SIAH3: variants seen among roughly 807,000 people sequenced by gnomAD.
The protein encoded by SIAH3 is seven in absentia homolog 3.
SIAH3 carries 9 observed loss-of-function variants against 12.6 expected under a neutral mutation model. That is an observed-to-expected ratio of 0.72 (90% CI 0.43 to 1.25). The LOEUF (loss-of-function observed/expected upper bound fraction) is 1.25, where lower values mean the gene tolerates loss of function less well. Among genes scored for constraint, SIAH3 ranks in the 50% most tolerant of loss-of-function variants. SIAH3 has a pLI of 0.00. For missense variants in SIAH3, 390 were observed against 365.4 expected, an observed-to-expected ratio of 1.07 and a Z score of -0.55; for synonymous variants, 154 against 151.1, an observed-to-expected ratio of 1.02 and a Z score of -0.14.
At chr13:45,787,704 T>C (rs1467040234) in intron 1 of SIAH3, among the ~76,000 whole-genome samples, 1 of 152,138 alleles carries the variant, frequency 6.6e-6, no homozygotes, top group Non-Finnish European at 1.5e-5. Flanking sequence ...TGTCGGGTCA[T>C]ATTGCCCAGG....
At position 45,777,429 on chromosome 13, in the gene SIAH3, C is replaced by T. The variant is rs1158935615; in HGVS notation, c.*5954G>A. ...CCTTTCTCTTTCTTATCTCAATACC[C>T]TAAAAAAAAGACTGAAAAAGGTTGA... On this transcript the variant is annotated 3_prime_UTR_variant, in exon 2 of 2. Coordinates refer to ENST00000400405, the MANE Select transcript of SIAH3 (RefSeq NM_198849.3). 4.0e-5 allele frequency: 6 copies of T among 151,890 alleles called. No individual in the cohort carries two copies. The South Asian group carries it at 1.2e-3, about 32-fold the overall frequency. The allele number at this position is 151,890 out of a possible 1,614,324, so 9.4% of individuals were successfully genotyped here. A position where few individuals can be genotyped will look rare whatever the true frequency, so the allele number is the denominator to read the frequency against.
At chr13:45,793,123 C>A (rs1263538265) in intron 1 of SIAH3, among the ~76,000 whole-genome samples, 2 of 152,202 alleles carry the variant, frequency 1.3e-5, no homozygotes, top group African/African-American at 2.4e-5. Flanking sequence ...CCTCGGATAA[C>A]CTCAGATTGT....
At chr13:45,818,218 A>G (rs1950641623) in intron 1 of SIAH3, among the ~76,000 whole-genome samples, 1 of 152,092 alleles carries the variant, frequency 6.6e-6, no homozygotes, top group Non-Finnish European at 1.5e-5. Flanking sequence ...TTCTATCTGT[A>G]TCTCATGTTC....
At chr13:45,804,963 AACACACAC>A (rs56315825) in intron 1 of SIAH3, among the ~76,000 whole-genome samples, 6,164 of 135,866 alleles carry the variant, frequency 0.045, 228 homozygotes, top group African/African-American at 0.099. Flanking sequence ...TCCCATTTAT[AACACACAC>A]ACACACACAC....
intron 1 of SIAH3, among the ~76,000 whole-genome samples, chr13:45,788,019 C>T (rs1950533805): frequency 1.3e-5 from 2 of 152,152 alleles, no homozygotes; most frequent in Non-Finnish European, 2.9e-5. Context: ...TACAAAGCAG[C>T]CAAGGGTATA....
At chr13:45,837,979 T>A (rs923321909) in intron 1 of SIAH3, among the ~76,000 whole-genome samples, 1 of 152,200 alleles carries the variant, frequency 6.6e-6, no homozygotes, top group Non-Finnish European at 1.5e-5. Context: ...CCTCGTTTCA[T>A]TCTCTATTTT....
rs535127007 is a variant in SIAH3, at chr13:45,807,545, A to G, written c.136-23488T>C. On this transcript the variant is annotated intron_variant, in intron 1 of 1. Transcript: ENST00000400405. Reference sequence around the variant, plus strand: ...AGTTTAGCATTGTATATTATTAGAGAAAAAAAAATCCCCTACTCCTACTGA... The same window carrying G: ...AGTTTAGCATTGTATATTATTAGAGGAAAAAAAATCCCCTACTCCTACTGA... Among the ~76,000 whole-genome samples, 809 of 151,988 alleles carry G rather than the reference A, an allele frequency of 5.3e-3. 7 individuals carry two copies. Among genetic ancestry groups the G allele is most frequent in the African/African-American group, 0.018 (760 of 41,472 alleles).
In SIAH3 at chr13:45,849,504, C is replaced by T. The variant is rs964378395; in HGVS notation, c.135+1991G>A. ...AACACCTCTGATACCTCTTTTCAGTCTCAAAAGCTGAGGCGGAGAAAGGGC... is the reference window on the plus strand; with the variant it reads ...AACACCTCTGATACCTCTTTTCAGTTTCAAAAGCTGAGGCGGAGAAAGGGC... On this transcript the variant is annotated intron_variant, in intron 1 of 1. Transcript: ENST00000400405. Among the ~76,000 whole-genome samples, 7 of 152,248 alleles carry T rather than the reference C, an allele frequency of 4.6e-5. No homozygotes were observed. In the South Asian group the frequency reaches 1.5e-3, roughly 32 times the overall value.
At chr13:45,808,709 A>G (rs1950606414) in intron 1 of SIAH3, among the ~76,000 whole-genome samples, 1 of 36,408 alleles carries the variant, frequency 2.7e-5, no homozygotes, top group Non-Finnish European at 5.0e-5. Flanking sequence ...ATGTACGTGC[A>G]TACTTTTATC....
At chr13:45,849,710 A>G (rs927194281) in intron 1 of SIAH3, among the ~76,000 whole-genome samples, 4 of 152,130 alleles carry the variant, frequency 2.6e-5, no homozygotes, top group Non-Finnish European at 5.9e-5. Flanking sequence ...AGAAATATAC[A>G]CAAGTGGTTT....
chr13:45,801,080 T>A (rs1470599521), intron 1 of SIAH3, among the ~76,000 whole-genome samples: 1 of 78,880 alleles, frequency 1.3e-5, no homozygotes, highest in Non-Finnish European at 2.5e-5. Context: ...GGACACTGGG[T>A]GAAGTGATGG....
chr13:45,833,342 C>A (rs533760698), intron 1 of SIAH3, among the ~76,000 whole-genome samples: 7 of 152,172 alleles, frequency 4.6e-5, no homozygotes, highest in Non-Finnish European at 7.4e-5. Flanking sequence ...TAGAGCTATC[C>A]CTCCCAGGGC....
At chr13:45,842,931 C>T (rs74072065) in intron 1 of SIAH3, among the ~76,000 whole-genome samples, 3,547 of 152,104 alleles carry the variant, frequency 0.023, 137 homozygotes, top group African/African-American at 0.08. Flanking sequence ...ACCAGTATTC[C>T]GCACCCACTG....
intron 1 of SIAH3, among the ~76,000 whole-genome samples, chr13:45,849,389 A>G (rs1014199905): frequency 6.6e-6 from 1 of 152,232 alleles, no homozygotes; most frequent in Non-Finnish European, 1.5e-5. Flanking sequence ...AATTGCCTGA[A>G]GGTGTTAAGT....
intron 1 of SIAH3, among the ~76,000 whole-genome samples, chr13:45,811,247 T>C (rs1950615390): frequency 6.6e-6 from 1 of 152,176 alleles, no homozygotes; most frequent in Admixed American, 6.5e-5. Flanking sequence ...TAATGATTCT[T>C]CTCCTTTGAG....
intron 1 of SIAH3, among the ~76,000 whole-genome samples, chr13:45,809,440 G>C (rs1419113814): frequency 6.6e-6 from 1 of 152,200 alleles, no homozygotes; most frequent in Non-Finnish European, 1.5e-5. Flanking sequence ...GCCTCATGGA[G>C]AAATTGCCAG....
intron 1 of SIAH3, among the ~76,000 whole-genome samples, chr13:45,833,929 C>A (rs914522880): frequency 2.6e-5 from 4 of 151,792 alleles, no homozygotes; most frequent in Non-Finnish European, 4.4e-5. Flanking sequence ...TCTGCACAGA[C>A]TTTTGGCTGG....
intron 1 of SIAH3, among the ~76,000 whole-genome samples, chr13:45,819,057 G>C (rs1950645444): frequency 6.6e-6 from 1 of 152,126 alleles, no homozygotes; most frequent in East Asian, 1.9e-4. Flanking sequence ...TGCTGACCCA[G>C]AGCCACGAAA....
chr13:45,844,282 G>A (rs994218998), intron 1 of SIAH3, among the ~76,000 whole-genome samples: 2 of 152,148 alleles, frequency 1.3e-5, no homozygotes, highest in African/African-American at 4.8e-5. Context: ...GAGTATGAGT[G>A]GGTTAGCTGA....
Sources: allele counts gnomAD v4.1 joint callset (sites outside exome capture counted in the v4.1 genomes callset), GRCh38; gene constraint gnomAD v4.1.1; transcripts MANE v1.5; gene names NCBI Gene and HGNC (gene_info 2026-07-23, HGNC 2026-07-21).